The following SMCO1 variants were observed in gnomAD, a reference collection of about 807,000 sequenced individuals.
SMCO1 encodes single-pass membrane and coiled-coil domain-containing protein 1.
SMCO1 carries 9 observed loss-of-function variants against 7.5 expected under a neutral mutation model. That is an observed-to-expected ratio of 1.20 (90% CI 0.72 to 2.09). The LOEUF (loss-of-function observed/expected upper bound fraction) is 2.09. SMCO1 is among the 30% of genes most tolerant of loss of function. The probability of loss-of-function intolerance (pLI) is 0.00; values close to 1 mark genes in which losing one functional copy is unlikely to be tolerated. For missense variants in SMCO1, 219 were observed against 253.1 expected (o/e 0.87, Z 0.91); for synonymous variants, 90 against 93.8 (o/e 0.96, Z 0.23).
rs113431479 is a variant in SMCO1 at position 196,510,695 on chromosome 3, C to A, written c.51-1026G>T. On this transcript the variant is annotated intron_variant, in intron 1 of 2. Coordinates refer to ENST00000397537, the MANE Select transcript of SMCO1 (RefSeq NM_001077657.3). ...ATCTACCTGGTGATCTCCTTGCCCC[C>A]CTGCGTCTCGCTTACAAGCACTGCC... is the stretch of plus-strand genomic sequence containing the variant. Among the ~76,000 whole-genome samples the A allele has an allele frequency of 5.9e-5, 9 of 152,274 alleles. No homozygotes were observed. The South Asian group carries it at 1.7e-3, about 28-fold the overall frequency.
intron 1 of SMCO1, among the ~76,000 whole-genome samples, chr3:196,511,724 C>G (rs112066829): frequency 6.0e-5 from 2 of 33,188 alleles, no homozygotes; most frequent in African/African-American, 1.9e-4. Context: ...CTAGATTGTC[C>G]TTATGAGGGA....
In SMCO1 at chr3:196,515,226, GA is replaced by G. The variant is rs1560285682; in HGVS notation, c.-18del. On this transcript the variant is annotated 5_prime_UTR_variant, in exon 1 of 3. Transcript: ENST00000397537. ...ATTGTTCATCTTCTGAAGGCAAAAG[GA>G]AAGAAAACAAAAACAAAGCAAAACA... 6.3e-7 allele frequency: 1 copy of G among 1,585,400 alleles called. No homozygotes were observed. Among genetic ancestry groups the G allele is most frequent in the Admixed American group, 1.7e-5 (1 of 58,990 alleles).
chr3:196,509,416 T>C (rs1316259779), intron 2 of SMCO1, 104 bp downstream of exon 2: 1 of 1,000,586 alleles, frequency 1.0e-6, no homozygotes, highest in Non-Finnish European at 1.5e-6. Flanking sequence ...GTAATTGCTT[T>C]ACAATCCATT....
At chr3:196,510,264 G>A (rs1055044473) in intron 1 of SMCO1, among the ~76,000 whole-genome samples, 7 of 152,082 alleles carry the variant, frequency 4.6e-5, no homozygotes, top group African/African-American at 1.2e-4. Context: ...CACCATGCCC[G>A]GGCTATACCT....
upstream of SMCO1, among the ~76,000 whole-genome samples, chr3:196,518,666 C>T (rs370956283): frequency 4.6e-5 from 7 of 152,152 alleles, no homozygotes; most frequent in African/African-American, 1.7e-4. Context: ...GGGGCTCATC[C>T]GGAATCCCAA....
At chr3:196,514,379 A>G (rs1239181494) in intron 1 of SMCO1, among the ~76,000 whole-genome samples, 1 of 152,112 alleles carries the variant, frequency 6.6e-6, no homozygotes, top group Non-Finnish European at 1.5e-5. Context: ...ATGCCTTCCC[A>G]TATTTTTCTC....
Position 196,508,699 on chromosome 3 carries a change from G to A in SMCO1, c.201-368C>T, listed in dbSNP as rs1733125251. On this transcript the variant is annotated intron_variant, in intron 2 of 2. Coordinates refer to ENST00000397537, the MANE Select transcript of SMCO1 (RefSeq NM_001077657.3). ...CGCCTGTAATCCCAGCACTGTGGGA[G>A]GACGAGGTGGTTGGATCACCTGAGG... is the stretch of plus-strand genomic sequence containing the variant. 3.3e-5 allele frequency among the ~76,000 whole-genome samples: 5 copies of A among 151,306 alleles called. No individual in the cohort carries two copies. In the South Asian group the frequency reaches 1.0e-3, roughly 32 times the overall value.
In SMCO1 at chr3:196,507,708, G is replaced by T; in HGVS notation, c.*179C>A. On this transcript the variant is annotated 3_prime_UTR_variant, in exon 3 of 3. Transcript: ENST00000397537. ...ATCACTTCATATCATTACACAAAGAGCTTCTTCATTCTTTTATATGGCTGC... is the reference window on the plus strand; with the variant it reads ...ATCACTTCATATCATTACACAAAGATCTTCTTCATTCTTTTATATGGCTGC... 1.8e-6 allele frequency: 1 copy of T among 558,364 alleles called. No individual in the cohort carries two copies. Among genetic ancestry groups the T allele is most frequent in the Non-Finnish European group, 3.2e-6 (1 of 314,442 alleles). The allele number at this position is 558,364 out of a possible 1,614,324, so 34.6% of individuals were successfully genotyped here.
chr3:196,516,897 G>A (rs906941777), upstream of SMCO1, among the ~76,000 whole-genome samples: 4 of 151,816 alleles, frequency 2.6e-5, no homozygotes, highest in Admixed American at 6.6e-5. Context: ...TCAGGAATTC[G>A]AGACCAGCTT....
intron 1 of SMCO1, among the ~76,000 whole-genome samples, chr3:196,512,793 C>T (rs766776036): frequency 1.3e-5 from 2 of 152,090 alleles, no homozygotes; most frequent in Non-Finnish European, 1.5e-5. Context: ...CAGGCGTGAG[C>T]CACCGCACCC....
intron 1 of SMCO1, among the ~76,000 whole-genome samples, chr3:196,511,132 T>A (rs6810083): frequency 0.021 from 2,428 of 115,672 alleles, 56 homozygotes; most frequent in African/African-American, 0.072. Context: ...CTAGATTGTC[T>A]TTATGAGGGA....
intron 1 of SMCO1, among the ~76,000 whole-genome samples, chr3:196,512,226 G>A (rs1733261627): frequency 6.7e-6 from 1 of 149,790 alleles, no homozygotes; most frequent in African/African-American, 2.5e-5. Flanking sequence ...AACTTGCCTG[G>A]GCCGCCTAGA....
chr3:196,509,242 T>G (rs1430449066), intron 2 of SMCO1, among the ~76,000 whole-genome samples: 1 of 149,740 alleles, frequency 6.7e-6, no homozygotes, highest in Non-Finnish European at 1.5e-5. Context: ...TTTTTTGTAT[T>G]TTTAGTAGAG....
At chr3:196,509,707 A>G in intron 1 of SMCO1, 38 bp from the exon 2 acceptor site, 1 of 1,562,860 alleles carries the variant, frequency 6.4e-7, no homozygotes, top group Non-Finnish European at 8.7e-7. Flanking sequence ...TTTAGGTTAC[A>G]GGACAAAACT....
At chr3:196,513,180 T>G (rs1336499719) in intron 1 of SMCO1, among the ~76,000 whole-genome samples, 1 of 151,388 alleles carries the variant, frequency 6.6e-6, no homozygotes, top group African/African-American at 2.4e-5. Context: ...AATAAAAAAT[T>G]AGCCTAGTGT....
intron 1 of SMCO1, among the ~76,000 whole-genome samples, chr3:196,513,076 C>A (rs934909201): frequency 6.6e-5 from 10 of 152,260 alleles, no homozygotes; most frequent in African/African-American, 2.4e-4. Flanking sequence ...CAACTGTAAT[C>A]ACAGCAGTTT....
the SMCO1 span, among the ~76,000 whole-genome samples, chr3:196,520,809 C>A: frequency 3.9e-5 from 6 of 152,006 alleles, no homozygotes; most frequent in Non-Finnish European, 7.4e-5. Context: ...AGACTGAAGG[C>A]ACAAACTGTT....
rs551373022 is a variant in SMCO1 at position 196,515,136 on chromosome 3, TC to T, written c.50+23del. The stretch of plus-strand genomic sequence containing the variant: ...CCCAGAATAGCAGACCCATGCTTGC[TC>T]CCTCCCTATAGCCCTCAGCAACCTT... On this transcript the variant is annotated intron_variant, in intron 1 of 2. Coordinates refer to ENST00000397537, the MANE Select transcript of SMCO1 (RefSeq NM_001077657.3). 599 of 1,613,600 alleles carry T rather than the reference TC, an allele frequency of 3.7e-4. 2 individuals carry two copies. Among genetic ancestry groups the T allele is most frequent in the Middle Eastern group, 2.8e-3 (17 of 6,062 alleles).
Position 196,509,142 on chromosome 3 carries a change from C to T in SMCO1, c.200+378G>A, listed in dbSNP as rs1351019135. On this transcript the variant is annotated intron_variant, in intron 2 of 2. Coordinates refer to ENST00000397537, the MANE Select transcript of SMCO1 (RefSeq NM_001077657.3). ...TCGGCTCACTGCAAGCTCCGCCTCC[C>T]GGGTTCACGCCATTCTCCTGCCTCA... Among the ~76,000 whole-genome samples the T allele has an allele frequency of 4.1e-5, 6 of 146,570 alleles. No individual in the cohort carries two copies. The South Asian group carries it at 6.6e-4, about 16-fold the overall frequency.
Sources: gnomAD v4.1 joint callset for allele counts (sites outside exome capture counted in the v4.1 genomes callset) on GRCh38, gnomAD v4.1.1 for gene constraint, MANE v1.5 for transcripts, NCBI Gene and HGNC (gene_info 2026-07-23, HGNC 2026-07-21) for gene names.